PDZD2: variants seen among roughly 807,000 people sequenced by gnomAD.
PDZD2 encodes the protein PDZ domain-containing protein 2.
In PDZD2, 90 loss-of-function variants were observed where a neutral mutation model predicts 220.7. The ratio of observed to expected loss-of-function variants is 0.41; its 90% CI spans 0.34 to 0.49. The LOEUF (loss-of-function observed/expected upper bound fraction) is 0.49, where lower values mean the gene tolerates loss of function less well. Ranked by LOEUF, PDZD2 falls within the 20% of genes least tolerant of loss-of-function variation. The pLI, the probability that PDZD2 is intolerant of heterozygous loss-of-function variation, is 0.28. For missense variants in PDZD2, 3,174 were observed against 3,608.5 expected (o/e 0.88, Z 3.08); for synonymous variants, 1,375 against 1,450.5 (o/e 0.95, Z 1.18).
chr5:31,985,370 C>T (rs1750631842), intron 3 of PDZD2, among the ~76,000 whole-genome samples: 1 of 152,118 alleles, frequency 6.6e-6, no homozygotes, highest in Non-Finnish European at 1.5e-5. Flanking sequence ...TTCATTTGAC[C>T]TAGGACACAG....
intron 2 of PDZD2, among the ~76,000 whole-genome samples, chr5:31,903,849 G>A (rs1439561343): frequency 1.3e-5 from 2 of 151,548 alleles, no homozygotes; most frequent in East Asian, 1.9e-4. Flanking sequence ...TCAGCCTCCC[G>A]AGTAGCTGGG....
intron 2 of PDZD2, among the ~76,000 whole-genome samples, chr5:31,878,331 C>T (rs974053170): frequency 1.3e-5 from 2 of 152,078 alleles, no homozygotes; most frequent in African/African-American, 4.8e-5. Flanking sequence ...TCCATCCCTT[C>T]CCAGTGCTCC....
chr5:31,943,751 C>T (rs950564707), intron 2 of PDZD2, among the ~76,000 whole-genome samples: 7 of 152,190 alleles, frequency 4.6e-5, no homozygotes, highest in Admixed American at 6.5e-5. Context: ...ATATAGGGCA[C>T]AACACTCTCT....
chr5:32,015,610 C>T (rs946307664), intron 6 of PDZD2, among the ~76,000 whole-genome samples: 2 of 152,064 alleles, frequency 1.3e-5, no homozygotes, highest in Admixed American at 1.3e-4. Flanking sequence ...TTACGATCTC[C>T]AATAAAATGA....
chr5:31,739,563 A>T (rs903739918), intron 1 of PDZD2, among the ~76,000 whole-genome samples: 3 of 152,204 alleles, frequency 2.0e-5, no homozygotes, highest in African/African-American at 7.2e-5. Context: ...AATGGGATTA[A>T]AAGATAAAAA....
rs200920695 is a variant in PDZD2, at chr5:31,738,890, AT to A, written c.-360-59986del. On this transcript the variant is annotated intron_variant, in intron 1 of 24. Coordinates refer to ENST00000438447, the MANE Select transcript of PDZD2 (RefSeq NM_178140.4). ...ATACAGGATTTTTAAATATATATAG[AT>A]TTTTTTTTTTTTCAGACACAGTCTT... is the stretch of plus-strand genomic sequence containing the variant. 2.5e-3 allele frequency among the ~76,000 whole-genome samples: 369 copies of A among 146,712 alleles called. 2 individuals are homozygous for A. Among genetic ancestry groups the A allele is most frequent in the Admixed American group, 5.6e-3 (82 of 14,632 alleles).
chr5:32,065,487 G>A (rs1041597967), intron 14 of PDZD2, among the ~76,000 whole-genome samples: 2 of 152,104 alleles, frequency 1.3e-5, no homozygotes, highest in African/African-American at 2.4e-5. Context: ...TGCCATATCC[G>A]AGATTTCTTG....
intron 14 of PDZD2, among the ~76,000 whole-genome samples, chr5:32,065,012 C>T (rs1740089802): frequency 6.6e-6 from 1 of 151,204 alleles, no homozygotes; most frequent in Admixed American, 6.6e-5. Context: ...AAGAATATTA[C>T]CTCTTGGCCG....
At position 31,978,712 on chromosome 5, in the gene PDZD2, C is replaced by T. The variant is rs1337716412; in HGVS notation, c.477-4443C>T. Among the ~76,000 whole-genome samples the T allele has an allele frequency of 1.4e-3, 8 of 5,834 alleles. No individual in the cohort carries two copies. In the South Asian group the frequency reaches 0.037, roughly 27 times the overall value. 3.8% of individuals were successfully genotyped at this position (5,834 alleles called of 152,430 possible). On this transcript the variant is annotated intron_variant, in intron 2 of 24. Coordinates refer to ENST00000438447, the MANE Select transcript of PDZD2 (RefSeq NM_178140.4). The stretch of plus-strand genomic sequence containing the variant: ...CCTGGGCGACAGAGCGAGACTCCAT[C>T]TCAAAAAAAAAAAAAAGAATTCTAA...
At chr5:32,034,420 G>T (rs563210206) in intron 6 of PDZD2, among the ~76,000 whole-genome samples, 1 of 149,324 alleles carries the variant, frequency 6.7e-6, no homozygotes, top group South Asian at 2.1e-4. Context: ...GTGCAGTGGC[G>T]CAATCTCAGC....
chr5:31,862,062 G>T (rs1737753108), intron 2 of PDZD2, among the ~76,000 whole-genome samples: 1 of 150,098 alleles, frequency 6.7e-6, no homozygotes, highest in Non-Finnish European at 1.5e-5. Flanking sequence ...AACAACACAA[G>T]GATTGCTCAT....
chr5:31,937,910 C>A (rs1437740889), intron 2 of PDZD2, among the ~76,000 whole-genome samples: 1 of 152,226 alleles, frequency 6.6e-6, no homozygotes, highest in African/African-American at 2.4e-5. Flanking sequence ...GGCCCTTAGG[C>A]AAATCCAGAC....
chr5:31,810,504 A>G (rs917575334), intron 2 of PDZD2, among the ~76,000 whole-genome samples: 14 of 152,090 alleles, frequency 9.2e-5, no homozygotes, highest in African/African-American at 3.4e-4. Flanking sequence ...TGACCTTGTG[A>G]TCCGCCCACC....
chr5:31,958,842 C>A (rs1215392316), intron 2 of PDZD2, among the ~76,000 whole-genome samples: 1 of 152,086 alleles, frequency 6.6e-6, no homozygotes, highest in Non-Finnish European at 1.5e-5. Flanking sequence ...AGCCCAGCCT[C>A]TTCTCAAACT....
chr5:32,086,460 T>C (rs576400239), intron 19 of PDZD2, among the ~76,000 whole-genome samples: 6 of 152,318 alleles, frequency 3.9e-5, no homozygotes, highest in South Asian at 4.2e-4. Context: ...ATGTATCATT[T>C]CTTTGTGGTA....
chr5:31,685,521 A>G (rs1462787858), intron 1 of PDZD2, among the ~76,000 whole-genome samples: 1 of 151,886 alleles, frequency 6.6e-6, no homozygotes, highest in Admixed American at 6.6e-5. Context: ...CTTCGCATTT[A>G]TTTTATTATT....
chr5:31,882,576 C>G (rs1175195256), intron 2 of PDZD2, among the ~76,000 whole-genome samples: 1 of 152,106 alleles, frequency 6.6e-6, no homozygotes, highest in Non-Finnish European at 1.5e-5. Context: ...CACGAATGGA[C>G]CAGCTATTCT....
At chr5:31,681,217 A>C (rs1746639146) in intron 1 of PDZD2, among the ~76,000 whole-genome samples, 1 of 152,098 alleles carries the variant, frequency 6.6e-6, no homozygotes, top group Non-Finnish European at 1.5e-5. Flanking sequence ...TTGATTCATC[A>C]ATACTTATAA....
intron 2 of PDZD2, among the ~76,000 whole-genome samples, chr5:31,848,983 A>C (rs1445301968): frequency 6.6e-6 from 1 of 152,126 alleles, no homozygotes; most frequent in Non-Finnish European, 1.5e-5. Context: ...CAGGAGGTGG[A>C]GCTTGCAGTG....
Sources: gnomAD v4.1 joint callset for allele counts (sites outside exome capture counted in the v4.1 genomes callset) on GRCh38, gnomAD v4.1.1 for gene constraint, MANE v1.5 for transcripts, NCBI Gene and HGNC (gene_info 2026-07-23, HGNC 2026-07-21) for gene names.